Variants in NSMAF observed in about 807,000 individuals in gnomAD.
NSMAF encodes the protein neutral sphingomyelinase activation associated factor.
Under a neutral mutation model 134.9 loss-of-function variants are expected in NSMAF, and 90 were observed. The observed-to-expected ratio is 0.67, with a 90% CI of 0.56 to 0.79. The LOEUF is 0.79. Ranked by LOEUF, NSMAF falls within the 30% of genes least tolerant of loss-of-function variation. NSMAF has a pLI of 0.00. For missense variants in NSMAF, 1,010 were observed against 1,119.0 expected (o/e 0.90, Z 1.39); for synonymous variants, 358 against 389.6 (o/e 0.92, Z 0.96).
Position 58,583,691 on chromosome 8 carries a change from T to C in NSMAF, c.*415A>G, listed in dbSNP as rs1444351839. Reference sequence around the variant, plus strand: ...ACACCCAAAACCCGATGGGTGGCAATTGTGATAGATTAGGAAGACAAAACA... The same window carrying C: ...ACACCCAAAACCCGATGGGTGGCAACTGTGATAGATTAGGAAGACAAAACA... On this transcript the variant is annotated 3_prime_UTR_variant, in exon 31 of 31. Coordinates refer to ENST00000038176, the MANE Select transcript of NSMAF (RefSeq NM_003580.4). The C allele has an allele frequency of 4.4e-6, 1 of 226,768 alleles. No homozygotes were observed. The highest frequency in any genetic ancestry group is 8.7e-6 in the Non-Finnish European group (1 of 114,470). The allele number at this position is 226,768 out of a possible 1,614,324, so 14.0% of individuals were successfully genotyped here. A position where few individuals can be genotyped will look rare whatever the true frequency, so the allele number is the denominator to read the frequency against.
At chr8:58,590,458 G>A (rs1325639057) in intron 24 of NSMAF, among the ~76,000 whole-genome samples, 1 of 152,172 alleles carries the variant, frequency 6.6e-6, no homozygotes, top group Non-Finnish European at 1.5e-5. Flanking sequence ...AAATTCTTCA[G>A]AGAATTTCCA....
chr8:58,591,041 A>T, intron 23 of NSMAF, 107 bp from the exon 24 acceptor site: 1 of 1,275,200 alleles, frequency 7.8e-7, no homozygotes, highest in Non-Finnish European at 1.1e-6. Flanking sequence ...TACACTTTAT[A>T]CTCCAAAGTA....
chr8:58,587,466 A>G, intron 27 of NSMAF, 152 bp downstream of exon 27: 1 of 607,978 alleles, frequency 1.6e-6, no homozygotes, highest in Non-Finnish European at 2.9e-6. Context: ...AAACCTAAAG[A>G]GTCAACACAA....
At position 58,584,025 on chromosome 8, in the gene NSMAF, C is replaced by T. The variant is rs1805827778; in HGVS notation, c.*81G>A. On this transcript the variant is annotated 3_prime_UTR_variant, in exon 31 of 31. Transcript: ENST00000038176. Reference sequence around the variant, plus strand: ...AAAACTTCTAATTACTAACATTGCACATTCACCAGTCCGTTTAAAAGTTTG... The same window carrying T: ...AAAACTTCTAATTACTAACATTGCATATTCACCAGTCCGTTTAAAAGTTTG... 1 of 1,069,924 alleles carries T rather than the reference C, an allele frequency of 9.3e-7. No homozygotes were observed. Among genetic ancestry groups the T allele is most frequent in the Non-Finnish European group, 1.5e-6 (1 of 689,236 alleles). 66.3% of individuals were successfully genotyped at this position (1,069,924 alleles called of 1,614,324 possible). A position where few individuals can be genotyped will look rare whatever the true frequency, so the allele number is the denominator to read the frequency against.
In NSMAF at chr8:58,599,381, ATCG is replaced by A. The variant is rs1585732192; in HGVS notation, c.1454-21_1454-19del. 1.2e-6 allele frequency: 2 copies of A among 1,610,688 alleles called. No individual in the cohort carries two copies. The highest frequency in any genetic ancestry group is 1.7e-5 in the Admixed American group (1 of 59,228). ...CTCGGGACCTATTAGATTAGACTCA[ATCG>A]AAAAATCATGGAGTCTTCATTTTTT... On this transcript the variant is annotated intron_variant, in intron 18 of 30. Coordinates refer to ENST00000038176, the MANE Select transcript of NSMAF (RefSeq NM_003580.4).
At chr8:58,626,068 C>A (rs1466805802) in intron 6 of NSMAF, among the ~76,000 whole-genome samples, 1 of 147,658 alleles carries the variant, frequency 6.8e-6, no homozygotes, top group Non-Finnish European at 1.5e-5. Flanking sequence ...TCCCCCTAAG[C>A]CCCCAAAGTC....
At chr8:58,606,975 T>C (rs976159031) in intron 11 of NSMAF, among the ~76,000 whole-genome samples, 50 of 152,212 alleles carry the variant, frequency 3.3e-4, no homozygotes, top group African/African-American at 1.1e-3. Flanking sequence ...AGATTTTTAA[T>C]AGTATCTGTT....
chr8:58,591,750 A>C (rs1177340769), intron 23 of NSMAF, among the ~76,000 whole-genome samples: 2 of 151,950 alleles, frequency 1.3e-5, no homozygotes, highest in Non-Finnish European at 2.9e-5. Flanking sequence ...GCCTCCCAAA[A>C]TACTGGGATT....
At chr8:58,584,318 C>T (rs1805834683) in intron 30 of NSMAF, 118 bp from the exon 31 acceptor site, 1 of 707,184 alleles carries the variant, frequency 1.4e-6, no homozygotes, top group Non-Finnish European at 2.5e-6. Context: ...GAAGTAAGTT[C>T]TATTTTTTCT....
chr8:58,648,341 A>C (rs993639327), intron 1 of NSMAF, among the ~76,000 whole-genome samples: 3 of 152,244 alleles, frequency 2.0e-5, no homozygotes, highest in African/African-American at 7.2e-5. Context: ...TTACACTTAA[A>C]AGGAAAGCAG....
intron 6 of NSMAF, among the ~76,000 whole-genome samples, chr8:58,624,866 G>A (rs1020129008): frequency 1.3e-5 from 2 of 152,128 alleles, no homozygotes; most frequent in African/African-American, 4.8e-5. Flanking sequence ...CCATTATTGT[G>A]TTGCTATCTA....
chr8:58,611,615 T>A (rs1437908501), intron 9 of NSMAF, among the ~76,000 whole-genome samples: 1 of 151,806 alleles, frequency 6.6e-6, no homozygotes, highest in Admixed American at 6.6e-5. Context: ...AATATAGGAA[T>A]AAAAATGTTG....
At chr8:58,638,835 C>A (rs942466576) in intron 2 of NSMAF, among the ~76,000 whole-genome samples, 1 of 152,062 alleles carries the variant, frequency 6.6e-6, no homozygotes, top group African/African-American at 2.4e-5. Flanking sequence ...CAAAAGACAA[C>A]CTACGGAATG....
At chr8:58,609,148 C>T (rs1335358818) in intron 10 of NSMAF, among the ~76,000 whole-genome samples, 1 of 152,120 alleles carries the variant, frequency 6.6e-6, no homozygotes, top group African/African-American at 2.4e-5. Context: ...TCATAGTGCT[C>T]CTTCAGGAAA....
chr8:58,635,129 T>TCA, intron 5 of NSMAF, 60 bp downstream of exon 5: 1 of 1,228,812 alleles, frequency 8.1e-7, no homozygotes, highest in South Asian at 1.3e-5. Flanking sequence ...GTAATTTCAT[T>TCA]CATGCACATA....
intron 11 of NSMAF, 115 bp from the exon 12 acceptor site, chr8:58,606,150 A>G (rs1806406707): frequency 6.7e-6 from 6 of 900,074 alleles, no homozygotes; most frequent in Non-Finnish European, 9.6e-6. Context: ...TATTTTTATA[A>G]CTTATATTCC....
At chr8:58,652,537 C>A (rs1466307686) in intron 1 of NSMAF, among the ~76,000 whole-genome samples, 1 of 152,192 alleles carries the variant, frequency 6.6e-6, no homozygotes. Flanking sequence ...AGCCAAGGTT[C>A]CATCACAGTA....
intron 5 of NSMAF, among the ~76,000 whole-genome samples, chr8:58,634,379 C>T (rs1211115560): frequency 6.6e-6 from 1 of 152,318 alleles, no homozygotes; most frequent in South Asian, 2.1e-4. Context: ...CTTCCCCTCC[C>T]CATCTGCCTC....
At chr8:58,589,957 G>T in intron 25 of NSMAF, 50 bp downstream of exon 25, 1 of 1,490,784 alleles carries the variant, frequency 6.7e-7, no homozygotes, top group Non-Finnish European at 9.3e-7. Flanking sequence ...TGTCCACAGA[G>T]GCAGCTATTC....
Sources: gnomAD v4.1 joint callset for allele counts (sites outside exome capture counted in the v4.1 genomes callset) on GRCh38, gnomAD v4.1.1 for gene constraint, MANE v1.5 for transcripts, NCBI Gene and HGNC (gene_info 2026-07-23, HGNC 2026-07-21) for gene names.